ROBO2: variants seen among roughly 807,000 people sequenced by gnomAD.
ROBO2 encodes roundabout guidance receptor 2.
In ROBO2, 53 loss-of-function variants were observed where a neutral mutation model predicts 160.8. The observed-to-expected ratio is 0.33, with a 90% CI of 0.26 to 0.41. The LOEUF (loss-of-function observed/expected upper bound fraction) is 0.41, where lower values mean the gene tolerates loss of function less well. Ranked by LOEUF, ROBO2 falls within the 10% of genes least tolerant of loss-of-function variation. The pLI is 1.00. For missense variants in ROBO2, 1,577 were observed against 1,722.4 expected, an observed-to-expected ratio of 0.92 and a Z score of 1.49; for synonymous variants, 664 against 611.7, an observed-to-expected ratio of 1.09 and a Z score of -1.26.
At chr3:77,376,501 C>T (rs577166150) in intron 2 of ROBO2, among the ~76,000 whole-genome samples, 2 of 152,102 alleles carry the variant, frequency 1.3e-5, no homozygotes, top group South Asian at 4.1e-4. Flanking sequence ...GCTAAAATTC[C>T]TCTTGATTTT....
chr3:77,251,952 T>C (rs1197547155), intron 2 of ROBO2, among the ~76,000 whole-genome samples: 2 of 152,212 alleles, frequency 1.3e-5, no homozygotes, highest in African/African-American at 4.8e-5. Flanking sequence ...ACAGACTTTT[T>C]TATTATTTAC....
At chr3:77,567,960 C>T (rs1309326397) in intron 12 of ROBO2, among the ~76,000 whole-genome samples, 2 of 152,036 alleles carry the variant, frequency 1.3e-5, no homozygotes, top group African/African-American at 2.4e-5. Flanking sequence ...CAAAGCTGCT[C>T]TTTCTAGAGA....
intron 2 of ROBO2, among the ~76,000 whole-genome samples, chr3:76,922,203 C>G (rs934867496): frequency 3.4e-4 from 51 of 151,994 alleles, no homozygotes; most frequent in Non-Finnish European, 1.0e-4. Flanking sequence ...CCCAGCTACT[C>G]GGGAGGCTGA....
intron 2 of ROBO2, among the ~76,000 whole-genome samples, chr3:77,298,867 A>C (rs2153409696): frequency 6.6e-6 from 1 of 152,306 alleles, no homozygotes; most frequent in Non-Finnish European, 1.5e-5. Flanking sequence ...ATGGAAGATA[A>C]GATATACGTG....
intron 23 of ROBO2, among the ~76,000 whole-genome samples, chr3:77,623,428 T>C (rs551149477): frequency 2.2e-4 from 33 of 152,350 alleles, no homozygotes; most frequent in Non-Finnish European, 4.3e-4. Flanking sequence ...TTTTACACAA[T>C]GTGTTAGAGT....
At chr3:76,183,823 C>T (rs560878146) in intron 2 of ROBO2, among the ~76,000 whole-genome samples, 5 of 152,148 alleles carry the variant, frequency 3.3e-5, no homozygotes, top group African/African-American at 1.2e-4. Context: ...TCACACAGCT[C>T]TATTTAAAAA....
chr3:76,165,172 T>A (rs1387705617), intron 2 of ROBO2, among the ~76,000 whole-genome samples: 1 of 152,188 alleles, frequency 6.6e-6, no homozygotes, highest in Non-Finnish European at 1.5e-5. Flanking sequence ...GGCTGTTTTG[T>A]CTCCATTGAA....
chr3:77,097,543 T>A (rs1347123142), intron 1 of ROBO2, among the ~76,000 whole-genome samples: 1 of 152,144 alleles, frequency 6.6e-6, no homozygotes, highest in Non-Finnish European at 1.5e-5. Flanking sequence ...ATCTGTTAAA[T>A]GCAGATAATA....
intron 2 of ROBO2, among the ~76,000 whole-genome samples, chr3:76,787,241 A>T (rs2063041980): frequency 6.6e-6 from 1 of 151,218 alleles, no homozygotes; most frequent in Non-Finnish European, 1.5e-5. Flanking sequence ...AATTTTACTT[A>T]TGGACAGTAA....
Position 76,778,965 on chromosome 3 carries a change from A to C in ROBO2, c.110-319049A>C, listed in dbSNP as rs139941327. On this transcript the variant is annotated intron_variant, in intron 2 of 26. Transcript: ENST00000487694. ...GTACTCACACAATCAGCAACATCAC[A>C]TGTGTTTGTGTTAACTCCTTATCTC... 1.8e-3 allele frequency among the ~76,000 whole-genome samples: 279 copies of C among 151,162 alleles called. 1 individual carries two copies. Among genetic ancestry groups the C allele is most frequent in the Non-Finnish European group, 3.5e-3 (233 of 67,334 alleles).
chr3:76,178,732 C>G (rs2107078707), intron 2 of ROBO2, among the ~76,000 whole-genome samples: 1 of 152,162 alleles, frequency 6.6e-6, no homozygotes, highest in Middle Eastern at 3.4e-3. Context: ...ATTACAAGGT[C>G]AGGAGTTTGA....
intron 2 of ROBO2, among the ~76,000 whole-genome samples, chr3:77,122,809 G>A (rs1189747127): frequency 6.6e-6 from 1 of 152,134 alleles, no homozygotes; most frequent in African/African-American, 2.4e-5. Flanking sequence ...ACATAATGTC[G>A]ACAAGCCATC....
At chr3:75,910,922 ATAT>A (rs1226587102) in intron 1 of ROBO2, among the ~76,000 whole-genome samples, 10 of 151,890 alleles carry the variant, frequency 6.6e-5, no homozygotes, top group East Asian at 1.9e-4. Context: ...AAACATTTAA[ATAT>A]TATTAAAACC....
At chr3:76,601,530 G>C (rs2087141709) in intron 2 of ROBO2, among the ~76,000 whole-genome samples, 1 of 152,214 alleles carries the variant, frequency 6.6e-6, no homozygotes, top group Non-Finnish European at 1.5e-5. Context: ...AAACTTCCAA[G>C]GCTTGGGGCT....
intron 2 of ROBO2, among the ~76,000 whole-genome samples, chr3:77,259,172 T>C (rs7430171): frequency 0.72 from 110,154 of 152,140 alleles, 40,369 homozygotes; most frequent in East Asian, 0.95. Context: ...TTAAGATTAG[T>C]ATTTCACACA....
At chr3:77,313,206 T>C (rs546407509) in intron 2 of ROBO2, among the ~76,000 whole-genome samples, 6 of 152,172 alleles carry the variant, frequency 3.9e-5, no homozygotes, top group Non-Finnish European at 8.8e-5. Flanking sequence ...TAATAAACAG[T>C]CCCAAAAGTT....
chr3:77,349,248 A>G (rs1411598454), intron 2 of ROBO2, among the ~76,000 whole-genome samples: 1 of 152,206 alleles, frequency 6.6e-6, no homozygotes. Flanking sequence ...GGTAGATAGT[A>G]CAGGTATTAT....
At chr3:77,276,426 C>A (rs1326728069) in intron 2 of ROBO2, among the ~76,000 whole-genome samples, 1 of 152,090 alleles carries the variant, frequency 6.6e-6, no homozygotes, top group Non-Finnish European at 1.5e-5. Context: ...TTGGCTCACT[C>A]CCCTGAATCT....
At chr3:76,217,682 A>C (rs1243387763) in intron 2 of ROBO2, among the ~76,000 whole-genome samples, 2 of 152,154 alleles carry the variant, frequency 1.3e-5, no homozygotes, top group African/African-American at 2.4e-5. Flanking sequence ...TAGCTTACCA[A>C]CCAAAAAAAT....
Sources: gnomAD v4.1 joint callset for allele counts (sites outside exome capture counted in the v4.1 genomes callset) on GRCh38, gnomAD v4.1.1 for gene constraint, MANE v1.5 for transcripts, NCBI Gene and HGNC (gene_info 2026-07-23, HGNC 2026-07-21) for gene names.